Variants in CNOT2 observed in about 807,000 individuals in gnomAD.
The protein encoded by CNOT2 is CC chemokine receptor 4-negative regulator of transcription 2.
CNOT2 carries 7 observed loss-of-function variants against 72.1 expected under a neutral mutation model. The ratio of observed to expected loss-of-function variants is 0.10; its 90% CI spans 0.06 to 0.18. The LOEUF (loss-of-function observed/expected upper bound fraction) is 0.18, where lower values mean the gene tolerates loss of function less well. Ranked by LOEUF, CNOT2 falls within the 10% of genes least tolerant of loss-of-function variation. The probability of loss-of-function intolerance (pLI) is 1.00; values close to 1 mark genes in which losing one functional copy is unlikely to be tolerated. For synonymous variants in CNOT2, 196 were observed against 225.6 expected, an observed-to-expected ratio of 0.87 and a Z score of 1.17; for missense variants, 345 against 660.3, an observed-to-expected ratio of 0.52 and a Z score of 5.23.
At chr12:70,312,584 G>T (rs1876653718) in intron 3 of CNOT2, among the ~76,000 whole-genome samples, 1 of 151,888 alleles carries the variant, frequency 6.6e-6, no homozygotes, top group African/African-American at 2.4e-5. Flanking sequence ...TTCTGATCCA[G>T]CTGGTTGGCA....
At chr12:70,344,854 G>A (rs1323050997) in intron 14 of CNOT2, 1 of 152,078 alleles carries the variant, frequency 6.6e-6, no homozygotes, top group East Asian at 1.9e-4. Flanking sequence ...TATTCCTTGT[G>A]GAACCATATG....
chr12:70,349,374 T>C (rs900867178), intron 15 of CNOT2, among the ~76,000 whole-genome samples: 3 of 152,182 alleles, frequency 2.0e-5, no homozygotes, highest in Admixed American at 6.5e-5. Context: ...AAAGAACGTA[T>C]ATTAAATAAC....
chr12:70,309,614 A>G (rs1876100825), intron 2 of CNOT2, among the ~76,000 whole-genome samples: 1 of 152,118 alleles, frequency 6.6e-6, no homozygotes, highest in Non-Finnish European at 1.5e-5. Context: ...GGAAGGAAAT[A>G]TTCTTAGTCA....
In CNOT2 at chr12:70,324,981, A is replaced by G. The variant is rs114906635; in HGVS notation, c.239-4442A>G. Among the ~76,000 whole-genome samples the G allele has an allele frequency of 5.4e-3, 827 of 151,948 alleles. 8 individuals are homozygous for G. The highest frequency in any genetic ancestry group is 0.018 in the African/African-American group (762 of 41,486). On this transcript the variant is annotated intron_variant, in intron 4 of 15. Coordinates refer to ENST00000229195, the MANE Select transcript of CNOT2 (RefSeq NM_014515.7). ...ATTTTTCTGCTTCCAGACTCACTCT[A>G]TTCCCAAGTCTGAGTTAGTGTGGTC...
At chr12:70,276,599 A>AT (rs747993378) in intron 1 of CNOT2, among the ~76,000 whole-genome samples, 20 of 152,146 alleles carry the variant, frequency 1.3e-4, no homozygotes, top group Middle Eastern at 3.4e-3. Context: ...AATGTGCGTC[A>AT]TTTAACAATT....
chr12:70,341,161 T>C (rs188965348), intron 11 of CNOT2, among the ~76,000 whole-genome samples: 41 of 152,180 alleles, frequency 2.7e-4, no homozygotes, highest in East Asian at 3.9e-4. Flanking sequence ...ATTGGAATTA[T>C]AGGTGTGAGC....
At chr12:70,292,580 A>C (rs1872107309) in intron 2 of CNOT2, among the ~76,000 whole-genome samples, 1 of 152,186 alleles carries the variant, frequency 6.6e-6, no homozygotes. Context: ...AATAGCAAGG[A>C]GGCCAGTATG....
intron 1 of CNOT2, among the ~76,000 whole-genome samples, chr12:70,258,176 C>T (rs1958551302): frequency 6.6e-6 from 1 of 152,070 alleles, no homozygotes; most frequent in Non-Finnish European, 1.5e-5. Flanking sequence ...TGTCCGTGGT[C>T]CCCTCCCAAG....
chr12:70,313,892 T>C (rs1876885116), intron 3 of CNOT2, among the ~76,000 whole-genome samples: 1 of 152,158 alleles, frequency 6.6e-6, no homozygotes, highest in African/African-American at 2.4e-5. Flanking sequence ...TCATACATTC[T>C]TGGGCCTGTT....
chr12:70,308,646 A>T (rs1875913893), intron 2 of CNOT2, among the ~76,000 whole-genome samples: 1 of 151,878 alleles, frequency 6.6e-6, no homozygotes, highest in African/African-American at 2.4e-5. Context: ...TGGAAAAGGA[A>T]CATTTCTTCA....
intron 3 of CNOT2, among the ~76,000 whole-genome samples, chr12:70,317,297 C>T (rs1877495121): frequency 6.6e-6 from 1 of 152,014 alleles, no homozygotes; most frequent in Non-Finnish European, 1.5e-5. Flanking sequence ...GATACGTGCG[C>T]ACAACGTGCA....
At chr12:70,286,055 G>C (rs1450072344) in intron 2 of CNOT2, among the ~76,000 whole-genome samples, 3 of 145,464 alleles carry the variant, frequency 2.1e-5, no homozygotes, top group Non-Finnish European at 4.6e-5. Flanking sequence ...AGAAGGTCCA[G>C]ATAAAAATGG....
At chr12:70,338,297 C>A in intron 9 of CNOT2, 146 bp from the exon 10 acceptor site, 2 of 644,692 alleles carry the variant, frequency 3.1e-6, no homozygotes, top group Non-Finnish European at 5.0e-6. Flanking sequence ...ATGATGGAAA[C>A]AATTTTCTAT....
At chr12:70,290,434 C>A (rs1871688720) in intron 2 of CNOT2, among the ~76,000 whole-genome samples, 1 of 152,110 alleles carries the variant, frequency 6.6e-6, no homozygotes, top group Non-Finnish European at 1.5e-5. Context: ...CTGGGCTCCA[C>A]CAATCTGGAA....
intron 3 of CNOT2, 157 bp from the exon 4 acceptor site, chr12:70,319,141 C>A: frequency 2.0e-6 from 1 of 506,488 alleles, no homozygotes; most frequent in Non-Finnish European, 3.3e-6. Context: ...TCTTAAGAAA[C>A]ATGGAATATA....
chr12:70,342,244 A>G lies in CNOT2; in HGVS notation c.1241-14A>G. 1 of 1,613,496 alleles carries G rather than the reference A, an allele frequency of 6.2e-7. No individual in the cohort carries two copies. Among genetic ancestry groups the G allele is most frequent in the South Asian group, 1.1e-5 (1 of 91,032 alleles). On this transcript the variant is annotated splice_polypyrimidine_tract_variant and intron_variant, in intron 12 of 15. Transcript: ENST00000229195. The stretch of plus-strand genomic sequence containing the variant: ...AGAATCAGTTAATAAGGCTTTTTTC[A>G]TTTTATTATCCAGACTTCCATGTTC...
At chr12:70,299,636 C>T (rs56063036) in intron 2 of CNOT2, among the ~76,000 whole-genome samples, 4 of 151,988 alleles carry the variant, frequency 2.6e-5, no homozygotes, top group African/African-American at 7.2e-5. Flanking sequence ...TTGGACCTTT[C>T]GGTTGGTTCC....
At chr12:70,341,167 T>C (rs1158255564) in intron 11 of CNOT2, among the ~76,000 whole-genome samples, 1 of 152,136 alleles carries the variant, frequency 6.6e-6, no homozygotes, top group East Asian at 1.9e-4. Context: ...ATTATAGGTG[T>C]GAGCCACCGC....
intron 3 of CNOT2, among the ~76,000 whole-genome samples, chr12:70,317,335 A>G (rs1458626987): frequency 6.6e-6 from 1 of 152,090 alleles, no homozygotes; most frequent in Non-Finnish European, 1.5e-5. Flanking sequence ...TACATGTGCC[A>G]TAAACCTTTT....
Sources: gnomAD v4.1 joint callset for allele counts (sites outside exome capture counted in the v4.1 genomes callset) on GRCh38, gnomAD v4.1.1 for gene constraint, MANE v1.5 for transcripts, NCBI Gene and HGNC (gene_info 2026-07-23, HGNC 2026-07-21) for gene names.